PTPRD: variants seen among roughly 807,000 people sequenced by gnomAD.
The protein encoded by PTPRD is protein tyrosine phosphatase receptor type D, also known as receptor-type tyrosine-protein phosphatase delta.
A neutral mutation model predicts 214.5 loss-of-function variants in PTPRD; 34 were observed. That is an observed-to-expected ratio of 0.16 (90% CI 0.12 to 0.21). The LOEUF is 0.21. Among genes scored for constraint, PTPRD ranks in the 10% least tolerant of loss-of-function variants. The pLI, the probability that PTPRD is intolerant of heterozygous loss-of-function variation, is 1.00. For synonymous variants in PTPRD, 1,128 were observed against 845.7 expected (o/e 1.33, Z -5.79); for missense variants, 2,545 against 2,398.7 (o/e 1.06, Z -1.27).
Position 8,385,805 on chromosome 9 carries a change from G to C in PTPRD, c.4386+3427C>G, listed in dbSNP as rs368343408. ...ATCTCTATTCTGGAGATCCTGTCCT[G>C]GGGGAGAGCAAGTAGGAAAGAATCC... On this transcript the variant is annotated intron_variant, in intron 37 of 45. Coordinates refer to ENST00000381196, the MANE Select transcript of PTPRD (RefSeq NM_002839.4). Among the ~76,000 whole-genome samples, 385 of 152,160 alleles carry C rather than the reference G, an allele frequency of 2.5e-3. 2 individuals carry two copies. Among genetic ancestry groups the C allele is most frequent in the African/African-American group, 8.8e-3 (367 of 41,528 alleles).
At chr9:10,416,201 A>T (rs1587722419) in intron 2 of PTPRD, among the ~76,000 whole-genome samples, 4 of 151,610 alleles carry the variant, frequency 2.6e-5, no homozygotes, top group Middle Eastern at 3.4e-3. Context: ...AAAAAAAATT[A>T]GAAAAAATTA....
intron 14 of PTPRD, among the ~76,000 whole-genome samples, chr9:8,617,475 A>G (rs1022454796): frequency 1.1e-4 from 16 of 152,256 alleles, no homozygotes; most frequent in African/African-American, 3.8e-4. Flanking sequence ...CTAGGCTACA[A>G]TCAACATCAG....
intron 14 of PTPRD, among the ~76,000 whole-genome samples, chr9:8,607,181 C>T (rs1256731879): frequency 2.0e-5 from 3 of 152,132 alleles, no homozygotes; most frequent in African/African-American, 7.2e-5. Context: ...ATAAAGAATT[C>T]TCACCACAAA....
At chr9:10,582,241 G>C (rs2072150536) in intron 2 of PTPRD, among the ~76,000 whole-genome samples, 1 of 152,142 alleles carries the variant, frequency 6.6e-6, no homozygotes, top group South Asian at 2.1e-4. Context: ...GCCATTATCA[G>C]TTTTTGATCA....
intron 2 of PTPRD, among the ~76,000 whole-genome samples, chr9:10,370,366 C>T (rs940417848): frequency 1.3e-5 from 2 of 152,048 alleles, no homozygotes; most frequent in Non-Finnish European, 2.9e-5. Context: ...ATTTAATTTT[C>T]AGCGGAAGAC....
intron 2 of PTPRD, among the ~76,000 whole-genome samples, chr9:10,374,550 G>A (rs1285683323): frequency 6.6e-6 from 1 of 151,910 alleles, no homozygotes; most frequent in Non-Finnish European, 1.5e-5. Flanking sequence ...GATGCCTCAG[G>A]AACCCACAGA....
chr9:9,294,584 G>A (rs763346058), intron 9 of PTPRD, among the ~76,000 whole-genome samples: 25 of 151,724 alleles, frequency 1.6e-4, no homozygotes, highest in Middle Eastern at 3.4e-3. Context: ...ACACCAGAGC[G>A]CTCTGTGTGC....
At chr9:8,937,910 T>G (rs531638734) in intron 11 of PTPRD, among the ~76,000 whole-genome samples, 26 of 152,318 alleles carry the variant, frequency 1.7e-4, no homozygotes, top group African/African-American at 5.8e-4. Context: ...TAGGTCAATA[T>G]GCAATCTGCT....
At chr9:9,199,961 TA>T (rs757790135) in intron 9 of PTPRD, among the ~76,000 whole-genome samples, 7 of 152,180 alleles carry the variant, frequency 4.6e-5, no homozygotes, top group South Asian at 4.1e-4. Context: ...TTTCTGATTG[TA>T]AATTGGCAAT....
intron 2 of PTPRD, among the ~76,000 whole-genome samples, chr9:10,382,728 C>G (rs759415439): frequency 1.3e-5 from 2 of 151,694 alleles, no homozygotes; most frequent in African/African-American, 2.4e-5. Flanking sequence ...ACAGGAAACC[C>G]TAAGATATCT....
chr9:10,449,841 A>G (rs2098828100), intron 2 of PTPRD, among the ~76,000 whole-genome samples: 2 of 151,790 alleles, frequency 1.3e-5, no homozygotes, highest in Non-Finnish European at 2.9e-5. Context: ...TCAGATTGTT[A>G]CTGTGTCTGT....
chr9:9,558,786 C>T (rs1305074805), intron 8 of PTPRD, among the ~76,000 whole-genome samples: 1 of 152,156 alleles, frequency 6.6e-6, no homozygotes, highest in Non-Finnish European at 1.5e-5. Flanking sequence ...GAAGGAGCAC[C>T]CCAGGTAGAC....
intron 3 of PTPRD, among the ~76,000 whole-genome samples, chr9:10,126,660 T>C (rs1236546852): frequency 3.9e-5 from 6 of 152,184 alleles, no homozygotes; most frequent in Non-Finnish European, 5.9e-5. Flanking sequence ...TTCTTTCTTT[T>C]TTCTTTTTTA....
intron 11 of PTPRD, among the ~76,000 whole-genome samples, chr9:8,794,129 TC>T (rs1308972774): frequency 1.3e-4 from 19 of 150,484 alleles, no homozygotes; most frequent in African/African-American, 4.6e-4. Flanking sequence ...ATGCATTTTT[TC>T]CCCCTGTATT....
At chr9:8,404,157 C>T (rs1469436026) in intron 36 of PTPRD, among the ~76,000 whole-genome samples, 1 of 152,182 alleles carries the variant, frequency 6.6e-6, no homozygotes, top group Non-Finnish European at 1.5e-5. Context: ...GAGTCTCACT[C>T]TGTTGCCCAG....
At chr9:10,180,984 T>C (rs565508359) in intron 3 of PTPRD, among the ~76,000 whole-genome samples, 1 of 152,210 alleles carries the variant, frequency 6.6e-6, no homozygotes, top group South Asian at 2.1e-4. Flanking sequence ...TTAGAATTTA[T>C]TAAGATTAAG....
rs568857904 is a variant in PTPRD, at chr9:9,711,589, C to T, written c.-287+22944G>A. ...TGAGAGTATACTATTTCTATTGGAG[C>T]TATGTCCACTTTATTCCAGTGGTTC... On this transcript the variant is annotated intron_variant, in intron 7 of 45. Transcript: ENST00000381196. Among the ~76,000 whole-genome samples, 5 of 152,032 alleles carry T rather than the reference C, an allele frequency of 3.3e-5. No homozygotes were observed. The South Asian group carries it at 8.3e-4, about 25-fold the overall frequency.
intron 12 of PTPRD, among the ~76,000 whole-genome samples, chr9:8,671,433 T>C (rs746472099): frequency 1.6e-4 from 24 of 152,152 alleles, no homozygotes; most frequent in Non-Finnish European, 2.8e-4. Flanking sequence ...GGAATGAAAG[T>C]TCGCCCAGGA....
chr9:8,987,163 G>A (rs2099348659), intron 11 of PTPRD, among the ~76,000 whole-genome samples: 1 of 152,042 alleles, frequency 6.6e-6, no homozygotes, highest in South Asian at 2.1e-4. Context: ...ACTATCACAG[G>A]AAAGATATTT....
Sources: allele counts gnomAD v4.1 joint callset (sites outside exome capture counted in the v4.1 genomes callset), GRCh38; gene constraint gnomAD v4.1.1; transcripts MANE v1.5; gene names NCBI Gene and HGNC (gene_info 2026-07-23, HGNC 2026-07-21).